Variants in ZEB1 observed in about 807,000 individuals in gnomAD.
ZEB1 encodes zinc finger E-box binding homeobox 1.
ZEB1 carries 21 observed loss-of-function variants against 84.9 expected under a neutral mutation model. The ratio of observed to expected loss-of-function variants is 0.25; its 90% CI spans 0.18 to 0.36. ZEB1 has a LOEUF of 0.36. ZEB1 is among the 10% of genes least tolerant of loss of function. ZEB1 has a pLI of 1.00. For synonymous variants in ZEB1, 420 were observed against 471.1 expected, an observed-to-expected ratio of 0.89 and a Z score of 1.41; for missense variants, 1,104 against 1,330.2, an observed-to-expected ratio of 0.83 and a Z score of 2.65.
intron 2 of ZEB1, among the ~76,000 whole-genome samples, chr10:31,480,193 T>C (rs1351299250): frequency 1.3e-5 from 2 of 152,082 alleles, no homozygotes; most frequent in Non-Finnish European, 2.9e-5. Flanking sequence ...TTCTCACATG[T>C]AGTTTTTAAA....
chr10:31,389,287 C>T (rs1049506769), intron 1 of ZEB1, among the ~76,000 whole-genome samples: 4 of 151,870 alleles, frequency 2.6e-5, no homozygotes, highest in African/African-American at 7.3e-5. Flanking sequence ...ATAATGGTAC[C>T]GAGGGCTTCT....
chr10:31,325,287 A>T (rs1256562794), intron 1 of ZEB1, among the ~76,000 whole-genome samples: 3 of 152,048 alleles, frequency 2.0e-5, no homozygotes, highest in Admixed American at 2.0e-4. Context: ...AAATGGAAAG[A>T]TTATGAAAGG....
intron 1 of ZEB1, among the ~76,000 whole-genome samples, chr10:31,360,741 C>T (rs1220859152): frequency 6.6e-6 from 1 of 151,966 alleles, no homozygotes; most frequent in Non-Finnish European, 1.5e-5. Flanking sequence ...ATGAATATCC[C>T]CAGAGAGTTC....
intron 1 of ZEB1, among the ~76,000 whole-genome samples, chr10:31,387,960 T>G (rs2048935472): frequency 6.6e-6 from 1 of 152,192 alleles, no homozygotes; most frequent in African/African-American, 2.4e-5. Flanking sequence ...GGAAACCTTA[T>G]GAAGGATAAG....
At chr10:31,343,080 G>A (rs1420130205) in intron 1 of ZEB1, among the ~76,000 whole-genome samples, 1 of 152,010 alleles carries the variant, frequency 6.6e-6, no homozygotes, top group African/African-American at 2.4e-5. Context: ...ACTGGCTAGT[G>A]GATTGCATTT....
rs34530318 is a variant in ZEB1 at position 31,398,991 on chromosome 10, C to CTT, written c.59-62030_59-62029dup. Among the ~76,000 whole-genome samples, 893 of 133,134 alleles carry CTT rather than the reference C, an allele frequency of 6.7e-3. 22 individuals carry two copies. Among genetic ancestry groups the CTT allele is most frequent in the African/African-American group, 0.023 (819 of 35,450 alleles). The allele number at this position is 133,134 out of a possible 152,430, so 87.3% of individuals were successfully genotyped here. On this transcript the variant is annotated intron_variant, in intron 1 of 8. Coordinates refer to ENST00000424869, the MANE Select transcript of ZEB1 (RefSeq NM_001174096.2). The stretch of plus-strand genomic sequence containing the variant: ...TGCTAATGATCAGAAGTCCTTTAGT[C>CTT]TTTTTTTTTTTTTTTTTGATATGGA...
At chr10:31,393,381 A>T (rs1295910951) in intron 1 of ZEB1, among the ~76,000 whole-genome samples, 2 of 152,160 alleles carry the variant, frequency 1.3e-5, no homozygotes, top group African/African-American at 4.8e-5. Context: ...TTGATAGGCC[A>T]CCTGTGTTAT....
intron 1 of ZEB1, among the ~76,000 whole-genome samples, chr10:31,329,891 A>T (rs1198135861): frequency 6.6e-6 from 1 of 151,866 alleles, no homozygotes; most frequent in Non-Finnish European, 1.5e-5. Flanking sequence ...TTTTAATTGG[A>T]TTGTTTGTCT....
chr10:31,456,915 A>G (rs2061305572), intron 1 of ZEB1, among the ~76,000 whole-genome samples: 1 of 152,166 alleles, frequency 6.6e-6, no homozygotes, highest in Non-Finnish European at 1.5e-5. Flanking sequence ...CTGGCATTAA[A>G]TATTAGCAAA....
chr10:31,469,852 G>C, intron 2 of ZEB1, among the ~76,000 whole-genome samples: 1 of 151,624 alleles, frequency 6.6e-6, no homozygotes, highest in Non-Finnish European at 1.5e-5. Context: ...CTCCCAGTAC[G>C]CAGCTGGAGA....
intron 1 of ZEB1, chr10:31,373,048 G>T (rs948486412): frequency 2.0e-5 from 20 of 985,208 alleles, no homozygotes; most frequent in Non-Finnish European, 2.2e-5. Context: ...CTGGCAATTG[G>T]CCGAAAACTC....
chr10:31,475,622 G>A (rs1173881656), intron 2 of ZEB1, among the ~76,000 whole-genome samples: 1 of 152,102 alleles, frequency 6.6e-6, no homozygotes, highest in African/African-American at 2.4e-5. Flanking sequence ...TAAAACATAA[G>A]AGATTAGAGG....
At chr10:31,334,176 CCTG>C (rs2037475043) in intron 1 of ZEB1, among the ~76,000 whole-genome samples, 1 of 151,872 alleles carries the variant, frequency 6.6e-6, no homozygotes, top group South Asian at 2.1e-4. Context: ...GACTTACAAG[CCTG>C]CTGTAATGGA....
intron 1 of ZEB1, among the ~76,000 whole-genome samples, chr10:31,333,019 A>G (rs1279147120): frequency 3.3e-5 from 5 of 152,198 alleles, no homozygotes. Flanking sequence ...AAAATGCTAT[A>G]TAATTTTATC....
intron 1 of ZEB1, among the ~76,000 whole-genome samples, chr10:31,391,274 TG>T (rs1000536627): frequency 1.5e-5 from 2 of 131,868 alleles, no homozygotes; most frequent in Non-Finnish European, 3.1e-5. Context: ...TGTGTGTGTG[TG>T]TGAGATCCAA....
intron 1 of ZEB1, among the ~76,000 whole-genome samples, chr10:31,432,228 T>C (rs2057798746): frequency 6.6e-6 from 1 of 152,234 alleles, no homozygotes; most frequent in Non-Finnish European, 1.5e-5. Flanking sequence ...CTGTGGTTAT[T>C]TGAGCACTTG....
chr10:31,458,312 C>CGTGT (rs775810348), intron 1 of ZEB1, among the ~76,000 whole-genome samples: 73 of 123,120 alleles, frequency 5.9e-4, no homozygotes, highest in Admixed American at 1.3e-3. Flanking sequence ...ATCTCCATTC[C>CGTGT]GTGTGTGTGT....
intron 1 of ZEB1, among the ~76,000 whole-genome samples, chr10:31,456,307 G>C (rs1211625510): frequency 6.6e-6 from 1 of 152,028 alleles, no homozygotes; most frequent in Non-Finnish European, 1.5e-5. Flanking sequence ...ACCTAATGTA[G>C]GTGATGGGTT....
intron 3 of ZEB1, 80 bp from the exon 4 acceptor site, chr10:31,502,268 A>G: frequency 1.4e-6 from 2 of 1,379,386 alleles, no homozygotes; most frequent in Non-Finnish European, 2.0e-6. Context: ...TTCTCTCAAG[A>G]TAAATAATTT....
Sources: allele counts gnomAD v4.1 joint callset (sites outside exome capture counted in the v4.1 genomes callset), GRCh38; gene constraint gnomAD v4.1.1; transcripts MANE v1.5; gene names NCBI Gene and HGNC (gene_info 2026-07-23, HGNC 2026-07-21).